The following TTC27 variants were observed in gnomAD, a reference collection of about 807,000 sequenced individuals.
TTC27 encodes tetratricopeptide repeat domain 27.
A neutral mutation model predicts 115.9 loss-of-function variants in TTC27; 79 were observed. The observed-to-expected ratio is 0.68, with a 90% CI of 0.57 to 0.82. The LOEUF (loss-of-function observed/expected upper bound fraction) is 0.82, where lower values mean the gene tolerates loss of function less well. Ranked by LOEUF, TTC27 falls within the 40% of genes least tolerant of loss-of-function variation. The pLI is 0.00. For synonymous variants in TTC27, 401 were observed against 356.0 expected, an observed-to-expected ratio of 1.13 and a Z score of -1.42; for missense variants, 1,054 against 993.1, an observed-to-expected ratio of 1.06 and a Z score of -0.82.
intron 16 of TTC27, among the ~76,000 whole-genome samples, chr2:32,808,364 G>A (rs546887127): frequency 2.0e-4 from 30 of 152,166 alleles, no homozygotes; most frequent in Non-Finnish European, 3.5e-4. Context: ...CCTCCAATGT[G>A]GAACTCTTTT....
At chr2:32,655,830 C>T (rs1665294983) in intron 5 of TTC27, among the ~76,000 whole-genome samples, 1 of 151,088 alleles carries the variant, frequency 6.6e-6, no homozygotes. Context: ...TGCAGTATTT[C>T]TGCTAACTAG....
chr2:32,733,405 A>G (rs1668357113), intron 10 of TTC27, among the ~76,000 whole-genome samples: 1 of 152,072 alleles, frequency 6.6e-6, no homozygotes, highest in African/African-American at 2.4e-5. Flanking sequence ...TTTTCCTTTC[A>G]TTTTATTCCT....
intron 5 of TTC27, among the ~76,000 whole-genome samples, chr2:32,659,409 T>G (rs1341814781): frequency 2.0e-5 from 3 of 151,898 alleles, no homozygotes; most frequent in Non-Finnish European, 2.9e-5. Flanking sequence ...TATTTTTTCT[T>G]TATCTTACCA....
At chr2:32,655,430 G>A (rs976000238) in intron 5 of TTC27, among the ~76,000 whole-genome samples, 1 of 152,102 alleles carries the variant, frequency 6.6e-6, no homozygotes, top group Admixed American at 6.6e-5. Flanking sequence ...AAAGGCATAA[G>A]CCACCATGCC....
At chr2:32,672,127 T>G in intron 7 of TTC27, 145 bp from the exon 8 acceptor site, 1 of 568,468 alleles carries the variant, frequency 1.8e-6, no homozygotes. Context: ...TGTTTCCAAA[T>G]ATGTGTTTCA....
At position 32,758,481 on chromosome 2, in the gene TTC27, G is replaced by T. The variant is rs1360065348; in HGVS notation, c.1642G>T (p.Glu548Ter). 1 of 1,614,178 alleles carries T rather than the reference G, an allele frequency of 6.2e-7. No homozygotes were observed. ...LRNKEFQECV[E>*]CFERSVKINP... ...GAACAAGGAGTTTCAAGAGTGTGTA[G>T]AGTGCTTCGAACGCTCGGTTAAGAT... Residue 548 changes from glutamate to a stop codon, truncating the protein, a stop_gained, in exon 13 of 20, where the codon GAG becomes TAG. Transcript: ENST00000317907. LOFTEE classifies it high-confidence loss of function.
At chr2:32,709,380 T>G (rs1667498958) in intron 10 of TTC27, among the ~76,000 whole-genome samples, 1 of 152,168 alleles carries the variant, frequency 6.6e-6, no homozygotes, top group African/African-American at 2.4e-5. Flanking sequence ...TTGATACAGG[T>G]TCAGTCTCCC....
At position 32,820,911 on chromosome 2, in the gene TTC27, A is replaced by AACCT. The variant is rs777719671; in HGVS notation, c.2506_2507insCCTA (p.Ser836ThrfsTer2). Reference sequence around the variant, plus strand: ...CCTTAGTGACAGAGCTCCAAGACCTAAGCAACCAGTTTCGAAATCAGTATT... The same window carrying AACCT: ...CCTTAGTGACAGAGCTCCAAGACCTAACCTAGCAACCAGTTTCGAAATCAGTATT... On this transcript the variant is annotated frameshift_variant, in exon 20 of 20. Coordinates refer to ENST00000317907, the MANE Select transcript of TTC27 (RefSeq NM_017735.5). LOFTEE classifies it high-confidence loss of function. 6.6e-7 allele frequency: 1 copy of AACCT among 1,526,662 alleles called. No homozygotes were observed. Among genetic ancestry groups the AACCT allele is most frequent in the South Asian group, 1.3e-5 (1 of 79,436 alleles). 94.6% of individuals were successfully genotyped at this position (1,526,662 alleles called of 1,614,324 possible).
intron 13 of TTC27, among the ~76,000 whole-genome samples, chr2:32,775,487 T>G (rs1473260179): frequency 2.0e-5 from 3 of 152,130 alleles, no homozygotes; most frequent in Non-Finnish European, 2.9e-5. Context: ...TGTGAGCCAC[T>G]TTGCCCGGCC....
At chr2:32,702,760 C>T in intron 9 of TTC27, 47 bp from the exon 10 acceptor site, 1 of 1,250,918 alleles carries the variant, frequency 8.0e-7, no homozygotes, top group South Asian at 1.2e-5. Flanking sequence ...AATGAGATCA[C>T]CTAGCTTATC....
At chr2:32,673,561 T>C (rs1408179585) in intron 8 of TTC27, among the ~76,000 whole-genome samples, 1 of 152,108 alleles carries the variant, frequency 6.6e-6, no homozygotes, top group African/African-American at 2.4e-5. Context: ...GTCAGAGAAA[T>C]GAAGTTTTGT....
rs557872375 is a variant in TTC27, at chr2:32,652,639, T to A, written c.640+2406T>A. 3.3e-5 allele frequency among the ~76,000 whole-genome samples: 5 copies of A among 152,318 alleles called. No homozygotes were observed. The East Asian group carries it at 9.6e-4, about 29-fold the overall frequency. ...GGCTAATCAACGGCACTTTTCAGTT[T>A]ATCTAGTCATAAAATGGTCCATTTT... is the stretch of plus-strand genomic sequence containing the variant. On this transcript the variant is annotated intron_variant, in intron 5 of 19. Coordinates refer to ENST00000317907, the MANE Select transcript of TTC27 (RefSeq NM_017735.5).
chr2:32,696,385 G>A lies in TTC27; in HGVS notation c.1120-6422G>A, dbSNP rs1469682289. On this transcript the variant is annotated intron_variant, in intron 9 of 19. Coordinates refer to ENST00000317907, the MANE Select transcript of TTC27 (RefSeq NM_017735.5). ...GCTCACTGCAACCTCCACCTCCTGG[G>A]TTCAAGCACTTCTCCTACCTCAGCC... 4.6e-5 allele frequency among the ~76,000 whole-genome samples: 7 copies of A among 151,804 alleles called. No homozygotes were observed. In the East Asian group the frequency reaches 1.4e-3, roughly 30 times the overall value.
At chr2:32,657,688 C>T (rs1665380083) in intron 5 of TTC27, among the ~76,000 whole-genome samples, 1 of 152,120 alleles carries the variant, frequency 6.6e-6, no homozygotes, top group Non-Finnish European at 1.5e-5. Flanking sequence ...ATCAGCTCTG[C>T]ACCTTTATCC....
At chr2:32,729,930 A>G (rs1052859406) in intron 10 of TTC27, among the ~76,000 whole-genome samples, 2 of 152,164 alleles carry the variant, frequency 1.3e-5, no homozygotes, top group African/African-American at 2.4e-5. Flanking sequence ...GGAAAGAGAA[A>G]ATGGGTAAGT....
In TTC27 at chr2:32,752,925, A is replaced by G. The variant is rs1225416795; in HGVS notation, c.1453-5367A>G. ...TCTTTAAACAATGGTTGCAGTTCCT[A>G]TTGCTGTGTAACAAACCCACTCAAA... On this transcript the variant is annotated intron_variant, in intron 12 of 19. Coordinates refer to ENST00000317907, the MANE Select transcript of TTC27 (RefSeq NM_017735.5). 2.0e-5 allele frequency among the ~76,000 whole-genome samples: 3 copies of G among 152,150 alleles called. No individual in the cohort carries two copies. In the East Asian group the frequency reaches 5.8e-4, roughly 29 times the overall value.
intron 13 of TTC27, among the ~76,000 whole-genome samples, chr2:32,771,338 G>A (rs769963903): frequency 3.3e-5 from 5 of 152,102 alleles, no homozygotes; most frequent in Non-Finnish European, 5.9e-5. Flanking sequence ...AAAAACCATT[G>A]TTGCCCCATT....
At chr2:32,638,418 G>A (rs763766427) in intron 3 of TTC27, among the ~76,000 whole-genome samples, 3 of 151,900 alleles carry the variant, frequency 2.0e-5, no homozygotes, top group Non-Finnish European at 2.9e-5. Context: ...TCGCTCTGTC[G>A]CCCCGGCTGG....
chr2:32,652,230 G>T (rs1257073217), intron 5 of TTC27, among the ~76,000 whole-genome samples: 1 of 152,106 alleles, frequency 6.6e-6, no homozygotes, highest in Non-Finnish European at 1.5e-5. Flanking sequence ...AATTAGCTGG[G>T]CATGGTGGTG....
Sources: allele counts gnomAD v4.1 joint callset (sites outside exome capture counted in the v4.1 genomes callset), GRCh38; gene constraint gnomAD v4.1.1; transcripts MANE v1.5; gene names NCBI Gene and HGNC (gene_info 2026-07-23, HGNC 2026-07-21).